Variants in BBX observed in about 807,000 individuals in gnomAD.
BBX encodes HMG box transcription factor BBX.
In BBX, 30 loss-of-function variants were observed where a neutral mutation model predicts 100.2. The observed-to-expected ratio is 0.30, with a 90% CI of 0.22 to 0.41. BBX has a LOEUF of 0.41. Ranked by LOEUF, BBX falls within the 10% of genes least tolerant of loss-of-function variation. The pLI is 1.00. For synonymous variants in BBX, 376 were observed against 388.1 expected (o/e 0.97, Z 0.37); for missense variants, 1,023 against 1,129.8 (o/e 0.91, Z 1.35).
intron 16 of BBX, 73 bp from the exon 17 acceptor site, chr3:107,801,022 A>G (rs1262250769): frequency 7.0e-7 from 1 of 1,421,300 alleles, no homozygotes; most frequent in Non-Finnish European, 9.7e-7. Flanking sequence ...GTTGACTGGC[A>G]CAGCGTTTTC....
intron 2 of BBX, among the ~76,000 whole-genome samples, chr3:107,601,502 T>C (rs555903320): frequency 2.0e-5 from 3 of 152,324 alleles, no homozygotes; most frequent in South Asian, 4.1e-4. Flanking sequence ...AACAACTTTG[T>C]TGTTGATACG....
chr3:107,745,212 GT>G (rs2064475836), intron 8 of BBX, among the ~76,000 whole-genome samples: 1 of 152,088 alleles, frequency 6.6e-6, no homozygotes, highest in Admixed American at 6.5e-5. Context: ...CTTGACACTG[GT>G]TCAAAGAGAT....
intron 3 of BBX, among the ~76,000 whole-genome samples, chr3:107,697,270 C>T (rs1401449002): frequency 2.0e-5 from 3 of 151,850 alleles, no homozygotes; most frequent in East Asian, 1.9e-4. Flanking sequence ...GGAGGAGAGG[C>T]GCTCTGCTGT....
chr3:107,793,051 TG>T (rs2069220153), intron 15 of BBX, among the ~76,000 whole-genome samples: 1 of 152,146 alleles, frequency 6.6e-6, no homozygotes, highest in Admixed American at 6.6e-5. Context: ...CTCTCCACAT[TG>T]GTATTAAGTA....
intron 2 of BBX, among the ~76,000 whole-genome samples, chr3:107,564,579 A>G (rs909862763): frequency 1.3e-5 from 2 of 152,152 alleles, no homozygotes; most frequent in African/African-American, 2.4e-5. Context: ...CCATCATCTC[A>G]ATCCTCCACA....
At chr3:107,577,009 T>G (rs377616156) in intron 2 of BBX, among the ~76,000 whole-genome samples, 15 of 152,062 alleles carry the variant, frequency 9.9e-5, no homozygotes, top group East Asian at 7.7e-4. Context: ...TACAGGCGTG[T>G]GCCACCATGC....
At position 107,774,728 on chromosome 3, in the gene BBX, G is replaced by A; in HGVS notation, c.1925G>A (p.Ser642Asn). Residue 642 changes from serine (S) to asparagine (N), a missense_variant, in exon 12 of 18, where the codon AGC becomes AAC. By Grantham distance (46) the Ser-to-Asn change is conservative. Around this residue, in one of 9 missense-constraint regions of BBX, gnomAD observed 215 missense variants for 211.3 expected, o/e 1.02. Transcript: ENST00000325805. ...LRANVDRGKR[S>N]SGKGNSSDHE... Reference sequence around the variant, plus strand: ...TCTTGAATTTTCTTAGGAAAACGAAGCTCAGGAAAAGGAAACTCCTCTGAT... The same window carrying A: ...TCTTGAATTTTCTTAGGAAAACGAAACTCAGGAAAAGGAAACTCCTCTGAT... The A allele has an allele frequency of 6.2e-7, 1 of 1,612,518 alleles. No homozygotes were observed. Among genetic ancestry groups the A allele is most frequent in the Non-Finnish European group, 8.5e-7 (1 of 1,179,218 alleles).
intron 6 of BBX, 73 bp from the exon 7 acceptor site, chr3:107,732,883 G>A (rs2063396468): frequency 1.6e-6 from 2 of 1,240,018 alleles, no homozygotes; most frequent in Non-Finnish European, 2.3e-6. Context: ...GTCTTTATGA[G>A]TATTCTTTTT....
chr3:107,644,364 T>C (rs1329276209), intron 2 of BBX, among the ~76,000 whole-genome samples: 1 of 152,166 alleles, frequency 6.6e-6, no homozygotes, highest in Non-Finnish European at 1.5e-5. Context: ...ACAAATTATA[T>C]ATATTTTTAG....
At chr3:107,563,543 A>G (rs145668208) in intron 2 of BBX, among the ~76,000 whole-genome samples, 49 of 152,348 alleles carry the variant, frequency 3.2e-4, no homozygotes, top group African/African-American at 1.1e-3. Context: ...ATAAAATTGT[A>G]TAAAGTTTTA....
rs992001219 is a variant in BBX, at chr3:107,696,818, G to A, written c.-9-13634G>A. 7.3e-5 allele frequency among the ~76,000 whole-genome samples: 11 copies of A among 151,326 alleles called. No homozygotes were observed. The East Asian group carries it at 7.7e-4, about 11-fold the overall frequency. On this transcript the variant is annotated intron_variant, in intron 3 of 17. Transcript: ENST00000325805. The stretch of plus-strand genomic sequence containing the variant: ...TTTCCAACTTGGTTCCATTCTCCCC[G>A]TCACTTTCAGGTACACCAATCAGAC...
intron 2 of BBX, among the ~76,000 whole-genome samples, chr3:107,576,173 G>A (rs767069122): frequency 5.9e-5 from 9 of 152,202 alleles, no homozygotes; most frequent in Non-Finnish European, 1.2e-4. Context: ...ACCAGTGGTT[G>A]CCATTATTAT....
intron 2 of BBX, among the ~76,000 whole-genome samples, chr3:107,628,329 T>C (rs949477452): frequency 5.9e-5 from 9 of 151,974 alleles, no homozygotes; most frequent in African/African-American, 2.2e-4. Flanking sequence ...TAAATGAAAA[T>C]TGTGTGCATG....
intron 2 of BBX, among the ~76,000 whole-genome samples, chr3:107,565,711 A>T (rs1307528359): frequency 2.9e-4 from 43 of 150,154 alleles, no homozygotes; most frequent in Non-Finnish European, 1.5e-5. Flanking sequence ...CTCGTGATCC[A>T]CTGGGATCAT....
At position 107,801,099 on chromosome 3, in the gene BBX, C is replaced by G. The variant is rs759067997; in HGVS notation, c.2556C>G (p.Asp852Glu). Residue 852 changes from aspartate (D) to glutamate (E), a missense_variant, in exon 17 of 18, where the codon GAC (aspartate) becomes GAG (glutamate). Transcript: ENST00000325805. ...RVSPAGGTLD[D>E]KPKEQLQRSL... Reference sequence around the variant, plus strand: ...TGGATTTCTCTTTTGTTACAGATGACAAACCAAAGGAACAACTGCAGAGGA... The same window carrying G: ...TGGATTTCTCTTTTGTTACAGATGAGAAACCAAAGGAACAACTGCAGAGGA... The G allele has an allele frequency of 7.4e-5, 119 of 1,613,630 alleles. No individual in the cohort carries two copies. The highest frequency in any genetic ancestry group is 9.7e-5 in the Non-Finnish European group (114 of 1,179,850).
intron 3 of BBX, among the ~76,000 whole-genome samples, chr3:107,674,110 C>T (rs184923862): frequency 1.2e-4 from 18 of 152,176 alleles, no homozygotes; most frequent in Admixed American, 5.2e-4. Context: ...GGGAAAAGAA[C>T]GTGTCAGTAA....
At chr3:107,527,804 A>G (rs2047885674) in intron 2 of BBX, among the ~76,000 whole-genome samples, 1 of 152,172 alleles carries the variant, frequency 6.6e-6, no homozygotes, top group Non-Finnish European at 1.5e-5. Context: ...CATGGATTTC[A>G]TTGTCTTTGA....
chr3:107,545,903 A>G (rs995781382), intron 2 of BBX, among the ~76,000 whole-genome samples: 1 of 152,212 alleles, frequency 6.6e-6, no homozygotes, highest in African/African-American at 2.4e-5. Flanking sequence ...GATTTTTGAA[A>G]TGGTGCTCTC....
Position 107,808,564 on chromosome 3 carries a change from A to T in BBX, c.*3107A>T, listed in dbSNP as rs1335249375. 1 of 152,148 alleles carries T rather than the reference A, an allele frequency of 6.6e-6. No homozygotes were observed. Among genetic ancestry groups the T allele is most frequent in the African/African-American group, 2.4e-5 (1 of 41,422 alleles). The allele number at this position is 152,148 out of a possible 1,614,324, so 9.4% of individuals were successfully genotyped here. On this transcript the variant is annotated 3_prime_UTR_variant, in exon 18 of 18. Transcript: ENST00000325805. ...TGTAATTTTGAAGTGTGTAGAGTAT[A>T]TTATAGTAACTGAAGCTGCAGCTGT...
Sources: allele counts gnomAD v4.1 joint callset (sites outside exome capture counted in the v4.1 genomes callset), GRCh38; gene constraint gnomAD v4.1.1; regional missense constraint gnomAD v4.1.1; transcripts MANE v1.5; gene names NCBI Gene and HGNC (gene_info 2026-07-23, HGNC 2026-07-21).